The following SLC9C1 variants were observed in gnomAD, a reference collection of about 807,000 sequenced individuals.
SLC9C1 encodes the protein solute carrier family 9 member C1, also known as sodium/hydrogen exchanger 10.
Under a neutral mutation model 140.9 loss-of-function variants are expected in SLC9C1, and 97 were observed. The ratio of observed to expected loss-of-function variants is 0.69; its 90% CI spans 0.58 to 0.82. The LOEUF (loss-of-function observed/expected upper bound fraction) is 0.82. Among genes scored for constraint, SLC9C1 ranks in the 40% least tolerant of loss-of-function variants. The pLI, the probability that SLC9C1 is intolerant of heterozygous loss-of-function variation, is 0.00. For synonymous variants in SLC9C1, 440 were observed against 442.6 expected (o/e 0.99, Z 0.07); for missense variants, 1,340 against 1,389.3 (o/e 0.96, Z 0.56).
chr3:112,193,498 G>A (rs1275087611), intron 20 of SLC9C1, among the ~76,000 whole-genome samples: 2 of 152,174 alleles, frequency 1.3e-5, no homozygotes, highest in Non-Finnish European at 2.9e-5. Flanking sequence ...GTGTTGAGAA[G>A]GGTAACTTGG....
intron 6 of SLC9C1, among the ~76,000 whole-genome samples, chr3:112,273,715 A>G (rs2080139510): frequency 6.6e-6 from 1 of 152,166 alleles, no homozygotes; most frequent in Non-Finnish European, 1.5e-5. Flanking sequence ...GACAGGGAAA[A>G]CAATTACAGC....
At chr3:112,204,121 G>A in intron 17 of SLC9C1, 97 bp downstream of exon 17, 1 of 1,247,702 alleles carries the variant, frequency 8.0e-7, no homozygotes, top group Non-Finnish European at 1.0e-6. Context: ...TAACCCAACA[G>A]AATATGTTAA....
intron 15 of SLC9C1, among the ~76,000 whole-genome samples, chr3:112,216,415 A>G (rs1343417838): frequency 2.0e-5 from 3 of 152,152 alleles, no homozygotes; most frequent in Non-Finnish European, 2.9e-5. Context: ...CAGAGTGAAC[A>G]GGCAACCTAC....
At chr3:112,199,893 C>G (rs1274986495) in intron 19 of SLC9C1, among the ~76,000 whole-genome samples, 2 of 152,014 alleles carry the variant, frequency 1.3e-5, no homozygotes, top group Admixed American at 6.6e-5. Flanking sequence ...CGTCTTAGGT[C>G]ATCGTCCACT....
chr3:112,274,972 C>G lies in SLC9C1; in HGVS notation c.538G>C (p.Val180Leu), dbSNP rs751260025. 1 of 1,581,116 alleles carries G rather than the reference C, an allele frequency of 6.3e-7. No homozygotes were observed. Residue 180 changes from valine to leucine, a missense_variant, in exon 6 of 29, where the codon GTT becomes CTT. Transcript: ENST00000305815. ...CTAGTAAATGTAATTAATGATATAA[C>G]AGAGGTCATCAGACTTTCTCCATTA... ...LINGESLMTS[V>L]ISLITFTSIM...
At chr3:112,206,482 C>A (rs1171013557) in intron 16 of SLC9C1, among the ~76,000 whole-genome samples, 1 of 152,118 alleles carries the variant, frequency 6.6e-6, no homozygotes, top group African/African-American at 2.4e-5. Flanking sequence ...ACCCAGCCAT[C>A]CCATTACTGG....
At chr3:112,256,375 C>CA (rs2079606549) in intron 10 of SLC9C1, among the ~76,000 whole-genome samples, 1 of 152,084 alleles carries the variant, frequency 6.6e-6, no homozygotes, top group Non-Finnish European at 1.5e-5. Flanking sequence ...AAAGCTAAGC[C>CA]ACCACAATCA....
At chr3:112,260,075 A>G (rs1297506664) in intron 10 of SLC9C1, among the ~76,000 whole-genome samples, 1 of 152,074 alleles carries the variant, frequency 6.6e-6, no homozygotes. Flanking sequence ...TAGTTGTTCT[A>G]TAATTTGTTG....
chr3:112,189,067 G>A (rs555856033), intron 20 of SLC9C1, among the ~76,000 whole-genome samples: 1 of 145,566 alleles, frequency 6.9e-6, no homozygotes, highest in South Asian at 2.1e-4. Context: ...CCCACTTTTT[G>A]ATGGGGTTGT....
At chr3:112,282,959 C>A (rs903291145) in intron 2 of SLC9C1, among the ~76,000 whole-genome samples, 1 of 152,112 alleles carries the variant, frequency 6.6e-6, no homozygotes, top group Non-Finnish European at 1.5e-5. Flanking sequence ...AAAATTGATA[C>A]AAATTTTGTT....
At chr3:112,281,889 A>C (rs2108350868) in intron 2 of SLC9C1, among the ~76,000 whole-genome samples, 1 of 152,378 alleles carries the variant, frequency 6.6e-6, no homozygotes, top group East Asian at 1.9e-4. Flanking sequence ...CAAAGAGAAC[A>C]GTTTATAAAT....
intron 28 of SLC9C1, among the ~76,000 whole-genome samples, chr3:112,150,460 C>G (rs922548148): frequency 1.3e-5 from 2 of 152,066 alleles, no homozygotes; most frequent in African/African-American, 4.8e-5. Context: ...GAGGTAGATA[C>G]TGTCATGGGA....
At chr3:112,233,294 T>G (rs960115001) in intron 12 of SLC9C1, among the ~76,000 whole-genome samples, 2 of 151,998 alleles carry the variant, frequency 1.3e-5, no homozygotes, top group Non-Finnish European at 2.9e-5. Context: ...CTCAAACTGC[T>G]TGGCTCAAGC....
intron 10 of SLC9C1, among the ~76,000 whole-genome samples, chr3:112,252,094 A>C (rs535227844): frequency 3.3e-5 from 5 of 152,086 alleles, no homozygotes; most frequent in South Asian, 2.1e-4. Flanking sequence ...TCTGGGTTGC[A>C]GTGGTTCCCA....
At chr3:112,261,737 T>A (rs774634890) in intron 10 of SLC9C1, among the ~76,000 whole-genome samples, 2 of 152,098 alleles carry the variant, frequency 1.3e-5, no homozygotes, top group Non-Finnish European at 2.9e-5. Context: ...ACTTATAATT[T>A]CATCATCAGA....
At chr3:112,243,053 A>G (rs1303592558) in intron 11 of SLC9C1, among the ~76,000 whole-genome samples, 1 of 152,182 alleles carries the variant, frequency 6.6e-6, no homozygotes, top group Non-Finnish European at 1.5e-5. Flanking sequence ...AAGGGAACAC[A>G]TATACTGTTG....
chr3:112,180,162 A>C (rs573086931), intron 22 of SLC9C1, among the ~76,000 whole-genome samples: 3 of 152,332 alleles, frequency 2.0e-5, no homozygotes, highest in Admixed American at 2.0e-4. Context: ...CTTAACATGG[A>C]AAGCTACTAA....
At chr3:112,181,672 G>A (rs2077441886) in intron 21 of SLC9C1, among the ~76,000 whole-genome samples, 2 of 152,094 alleles carry the variant, frequency 1.3e-5, no homozygotes, top group African/African-American at 4.8e-5. Flanking sequence ...TTGGTCCTCT[G>A]AAAACAATAT....
At chr3:112,221,286 T>A in intron 13 of SLC9C1, 61 bp from the exon 14 acceptor site, 2 of 1,377,456 alleles carry the variant, frequency 1.5e-6, no homozygotes, top group Non-Finnish European at 2.0e-6. Context: ...CTTATTACAA[T>A]CTTGATGGGA....
Sources: gnomAD v4.1 joint callset for allele counts (sites outside exome capture counted in the v4.1 genomes callset) on GRCh38, gnomAD v4.1.1 for gene constraint, MANE v1.5 for transcripts, NCBI Gene and HGNC (gene_info 2026-07-23, HGNC 2026-07-21) for gene names.